Variants in PIWIL3 observed in about 807,000 individuals in gnomAD.
The protein encoded by PIWIL3 is piwi like RNA-mediated gene silencing 3, also known as piwi-like protein 3.
Under a neutral mutation model 109.7 loss-of-function variants are expected in PIWIL3, and 101 were observed. That is an observed-to-expected ratio of 0.92 (90% CI 0.78 to 1.09). The LOEUF is 1.09. Ranked by LOEUF, PIWIL3 falls within the 50% of genes least tolerant of loss-of-function variation. The pLI is 0.00. For missense variants in PIWIL3, 1,031 were observed against 1,072.6 expected, an observed-to-expected ratio of 0.96 and a Z score of 0.54; for synonymous variants, 373 against 376.4, an observed-to-expected ratio of 0.99 and a Z score of 0.10.
chr22:24,742,987 T>G (rs1924099495), intron 12 of PIWIL3, among the ~76,000 whole-genome samples: 1 of 152,076 alleles, frequency 6.6e-6, no homozygotes, highest in African/African-American at 2.4e-5. Flanking sequence ...TCCCAAACTA[T>G]GCATATGATG....
intron 12 of PIWIL3, among the ~76,000 whole-genome samples, chr22:24,744,695 G>T (rs529965971): frequency 2.8e-4 from 42 of 152,296 alleles, no homozygotes; most frequent in Non-Finnish European, 5.0e-4. Flanking sequence ...AAGAGGATAT[G>T]ACAATTGTAA....
intron 16 of PIWIL3, among the ~76,000 whole-genome samples, chr22:24,727,027 C>T (rs1211275677): frequency 6.6e-6 from 1 of 152,240 alleles, no homozygotes; most frequent in Non-Finnish European, 1.5e-5. Flanking sequence ...AGACACACAT[C>T]TCCTTTTGGA....
intron 14 of PIWIL3, among the ~76,000 whole-genome samples, chr22:24,732,758 GC>G (rs1227989662): frequency 6.6e-6 from 1 of 152,148 alleles, no homozygotes; most frequent in Non-Finnish European, 1.5e-5. Context: ...GGGAGGCGGA[GC>G]TTGAGCCGAG....
intron 4 of PIWIL3, among the ~76,000 whole-genome samples, chr22:24,757,667 C>T (rs1925153741): frequency 1.2e-5 from 1 of 80,922 alleles, no homozygotes; most frequent in Non-Finnish European, 2.6e-5. Context: ...ATTACACACA[C>T]ACACACACAC....
chr22:24,734,234 A>T (rs1923521690), intron 13 of PIWIL3, 78 bp from the exon 14 acceptor site: 8 of 1,546,220 alleles, frequency 5.2e-6, no homozygotes, highest in Non-Finnish European at 6.9e-6. Flanking sequence ...AATTAAATAC[A>T]AAGTAAGACA....
At chr22:24,726,734 A>G (rs979923667) in intron 16 of PIWIL3, among the ~76,000 whole-genome samples, 1 of 152,248 alleles carries the variant, frequency 6.6e-6, no homozygotes, top group African/African-American at 2.4e-5. Context: ...TTTTCAAACA[A>G]AAAGTAGAGC....
At chr22:24,745,664 C>CA (rs1416403565) in intron 12 of PIWIL3, among the ~76,000 whole-genome samples, 2 of 94,476 alleles carry the variant, frequency 2.1e-5, no homozygotes. Flanking sequence ...ATCAATGAAA[C>CA]AAAAGGTTTT....
chr22:24,725,722 A>G (rs1018528465), intron 16 of PIWIL3, among the ~76,000 whole-genome samples: 1 of 152,216 alleles, frequency 6.6e-6, no homozygotes, highest in Admixed American at 6.5e-5. Flanking sequence ...AGTCAAGTAG[A>G]ATGGAAGCAT....
At chr22:24,743,958 C>T (rs1001358606) in intron 12 of PIWIL3, among the ~76,000 whole-genome samples, 2 of 151,468 alleles carry the variant, frequency 1.3e-5, no homozygotes, top group Admixed American at 6.6e-5. Context: ...ATTTGCAAAC[C>T]TTATGGTAAC....
intron 12 of PIWIL3, among the ~76,000 whole-genome samples, chr22:24,747,691 T>G (rs1329644837): frequency 6.6e-6 from 1 of 152,162 alleles, no homozygotes; most frequent in African/African-American, 2.4e-5. Flanking sequence ...GAAAAAGTGC[T>G]GATATCAATG....
At chr22:24,751,192 A>G (rs6004258) in intron 9 of PIWIL3, among the ~76,000 whole-genome samples, 195 bp downstream of exon 9, 97,179 of 151,874 alleles carry the variant, frequency 0.64, 31,295 homozygotes, top group East Asian at 0.74. Flanking sequence ...TCACACTGGC[A>G]CCATTCTAGT....
chr22:24,746,251 C>T (rs1201278531), intron 12 of PIWIL3, among the ~76,000 whole-genome samples: 1 of 152,148 alleles, frequency 6.6e-6, no homozygotes, highest in Admixed American at 6.5e-5. Context: ...TGGGATTTGT[C>T]CCAGGGATTC....
chr22:24,757,872 A>G, intron 4 of PIWIL3, 36 bp downstream of exon 4: 1 of 1,555,882 alleles, frequency 6.4e-7, no homozygotes, highest in Non-Finnish European at 8.6e-7. Context: ...TTAAAAACGA[A>G]CAGCTCCATA....
At chr22:24,768,867 A>C (rs1201370245) in intron 1 of PIWIL3, among the ~76,000 whole-genome samples, 2 of 152,220 alleles carry the variant, frequency 1.3e-5, no homozygotes, top group Non-Finnish European at 2.9e-5. Context: ...ATGTGAACAA[A>C]TATGGTTTTT....
intron 14 of PIWIL3, among the ~76,000 whole-genome samples, chr22:24,733,337 T>C (rs1923468474): frequency 6.6e-6 from 1 of 151,770 alleles, no homozygotes; most frequent in African/African-American, 2.4e-5. Flanking sequence ...TACAACATAA[T>C]GACAACTTGG....
intron 2 of PIWIL3, among the ~76,000 whole-genome samples, chr22:24,760,803 A>AT (rs1925389502): frequency 6.8e-6 from 1 of 146,870 alleles, no homozygotes; most frequent in South Asian, 2.3e-4. Context: ...AAAAAAAAAA[A>AT]GCTGTGACAG....
At chr22:24,740,051 CA>C (rs1198660648) in intron 12 of PIWIL3, among the ~76,000 whole-genome samples, 5,347 of 67,550 alleles carry the variant, frequency 0.079, 171 homozygotes, top group South Asian at 0.16. Context: ...GACTCGGTCT[CA>C]AAAAAAAAAA....
intron 12 of PIWIL3, among the ~76,000 whole-genome samples, 154 bp downstream of exon 12, chr22:24,748,753 A>G (rs1051593907): frequency 6.6e-6 from 1 of 152,182 alleles, no homozygotes; most frequent in African/African-American, 2.4e-5. Flanking sequence ...CCTTACATTC[A>G]TTCTTAGTGT....
intron 17 of PIWIL3, among the ~76,000 whole-genome samples, 167 bp downstream of exon 17, chr22:24,725,278 C>T (rs1199554444): frequency 6.6e-6 from 1 of 152,212 alleles, no homozygotes; most frequent in Non-Finnish European, 1.5e-5. Flanking sequence ...TTAGCAGCAT[C>T]TTTGTCCTCT....
Sources: gnomAD v4.1 joint callset for allele counts (sites outside exome capture counted in the v4.1 genomes callset) on GRCh38, gnomAD v4.1.1 for gene constraint, MANE v1.5 for transcripts, NCBI Gene and HGNC (gene_info 2026-07-23, HGNC 2026-07-21) for gene names.